CCND3: variants seen among roughly 807,000 people sequenced by gnomAD.
CCND3 encodes cyclin D3.
In CCND3, 9 loss-of-function variants were observed where a neutral mutation model predicts 28.7. That is an observed-to-expected ratio of 0.31 (90% CI 0.19 to 0.55). The LOEUF (loss-of-function observed/expected upper bound fraction) is 0.55, where lower values mean the gene tolerates loss of function less well. Ranked by LOEUF, CCND3 falls within the 20% of genes least tolerant of loss-of-function variation. The pLI, the probability that CCND3 is intolerant of heterozygous loss-of-function variation, is 0.93. For synonymous variants in CCND3, 164 were observed against 163.9 expected (o/e 1.00, Z 0.00); for missense variants, 315 against 385.8 (o/e 0.82, Z 1.54).
intron 1 of CCND3, among the ~76,000 whole-genome samples, chr6:42,030,747 C>A (rs1245590793): frequency 6.6e-6 from 1 of 152,204 alleles, no homozygotes; most frequent in African/African-American, 2.4e-5. Context: ...GAAGAGGCCC[C>A]TTTCCATCTG....
intron 1 of CCND3, among the ~76,000 whole-genome samples, chr6:41,978,490 T>G (rs1012105654): frequency 1.3e-5 from 2 of 151,406 alleles, no homozygotes; most frequent in Non-Finnish European, 2.9e-5. Context: ...GAGCCGAGAG[T>G]GTGCCACTGC....
intron 1 of CCND3, among the ~76,000 whole-genome samples, chr6:41,948,938 G>T (rs1424070669): frequency 6.6e-6 from 1 of 152,082 alleles, no homozygotes; most frequent in Non-Finnish European, 1.5e-5. Context: ...GAGCTGTTGG[G>T]GCCAGACACA....
intron 1 of CCND3, among the ~76,000 whole-genome samples, chr6:42,021,081 C>G (rs981082418): frequency 6.6e-6 from 1 of 152,072 alleles, no homozygotes; most frequent in Non-Finnish European, 1.5e-5. Context: ...TTTTAGTTAC[C>G]CATCGTGCAG....
chr6:41,989,823 G>A (rs1762599940), intron 1 of CCND3, among the ~76,000 whole-genome samples: 1 of 152,060 alleles, frequency 6.6e-6, no homozygotes, highest in South Asian at 2.1e-4. Flanking sequence ...ATACTCCTTG[G>A]TATCTGCCCA....
At chr6:41,999,407 C>T (rs797013974) in intron 1 of CCND3, among the ~76,000 whole-genome samples, 1 of 152,028 alleles carries the variant, frequency 6.6e-6, no homozygotes, top group Admixed American at 6.6e-5. Context: ...CACCACCATG[C>T]CCGGCTAATT....
At chr6:42,006,222 A>G (rs945415468) in intron 1 of CCND3, among the ~76,000 whole-genome samples, 1 of 151,872 alleles carries the variant, frequency 6.6e-6, no homozygotes, top group African/African-American at 2.4e-5. Flanking sequence ...GATGAAAAAC[A>G]AAAACTCACA....
intron 1 of CCND3, among the ~76,000 whole-genome samples, chr6:41,961,967 T>C (rs1761730155): frequency 6.6e-6 from 1 of 152,220 alleles, no homozygotes; most frequent in African/African-American, 2.4e-5. Context: ...CATCAATACT[T>C]CCAAAATGTC....
rs61494473 is a variant in CCND3 at position 42,003,525 on chromosome 6, CAAAAAAAAAAAAAAAA to C, written c.-46+44960_-46+44975del. Among the ~76,000 whole-genome samples, 6 of 73,510 alleles carry C rather than the reference CAAAAAAAAAAAAAAAA, an allele frequency of 8.2e-5. No homozygotes were observed. In the East Asian group the frequency reaches 1.2e-3, roughly 14 times the overall value. The allele number at this position is 73,510 out of a possible 152,430, so 48.2% of individuals were successfully genotyped here. A position where few individuals can be genotyped will look rare whatever the true frequency, so the allele number is the denominator to read the frequency against. On this transcript the variant is annotated intron_variant, in intron 1 of 4. Transcript: ENST00000372988. ...GGGCAACCAGAGTGAGACTCTGTCT[CAAAAAAAAAAAAAAAA>C]AAAAAAAAAAAAAAAAAAAAAGAAC...
intron 1 of CCND3, among the ~76,000 whole-genome samples, chr6:42,026,990 G>T (rs754092636): frequency 3.3e-5 from 5 of 152,168 alleles, no homozygotes. Flanking sequence ...TGTTACAGCA[G>T]CCTAACCTCC....
intron 1 of CCND3, among the ~76,000 whole-genome samples, chr6:41,995,087 A>AAAAT (rs1463507002): frequency 1.3e-5 from 2 of 152,184 alleles, no homozygotes; most frequent in Admixed American, 6.6e-5. Context: ...TAGATAAACA[A>AAAAT]AAATAAATAA....
At chr6:42,003,894 A>G (rs78885414) in intron 1 of CCND3, among the ~76,000 whole-genome samples, 32 of 147,800 alleles carry the variant, frequency 2.2e-4, no homozygotes, top group African/African-American at 8.0e-4. Flanking sequence ...GTAAACCATC[A>G]TGCCACTGCA....
intron 1 of CCND3, among the ~76,000 whole-genome samples, chr6:41,949,218 A>C (rs1280626205): frequency 6.6e-6 from 1 of 152,178 alleles, no homozygotes; most frequent in Non-Finnish European, 1.5e-5. Flanking sequence ...GTGGTGGCTC[A>C]TGCCTGTAAT....
At chr6:41,954,722 T>C (rs920772360) in intron 1 of CCND3, among the ~76,000 whole-genome samples, 3 of 152,064 alleles carry the variant, frequency 2.0e-5, no homozygotes, top group African/African-American at 7.2e-5. Flanking sequence ...CCACATAATA[T>C]CAAACTTCTG....
chr6:41,971,209 C>T lies in CCND3; in HGVS notation c.-45-30624G>A, dbSNP rs866667953. ...TTGGGATTACAGGCATGAGCCATCG[C>T]GCCCAGCCTCCAGTTTCTTTAGAAG... On this transcript the variant is annotated intron_variant, in intron 1 of 4. Transcript: ENST00000372988. Among the ~76,000 whole-genome samples, 3 of 152,298 alleles carry T rather than the reference C, an allele frequency of 2.0e-5. No individual in the cohort carries two copies. In the East Asian group the frequency reaches 5.8e-4, roughly 29 times the overall value.
chr6:41,941,843 T>C (rs1014440869), upstream of CCND3: 14 of 267,950 alleles, frequency 5.2e-5, no homozygotes, highest in Admixed American at 3.3e-4. The surrounding 1 kb of genome is among the most constrained non-coding windows in gnomAD (Gnocchi z 6.1). Flanking sequence ...GTAGCAACCG[T>C]GGAATGCTCG....
chr6:42,012,440 T>TAAAAAC lies in CCND3; in HGVS notation c.-46+36055_-46+36060dup, dbSNP rs2127428377. On this transcript the variant is annotated intron_variant, in intron 1 of 4. Transcript: ENST00000372988. ...CTCAACAATAAAATAAAAATAAAAATAAAAACAAAAAAATTAGCCAGGTGT... is the reference window on the plus strand; with the variant it reads ...CTCAACAATAAAATAAAAATAAAAATAAAAACAAAAACAAAAAAATTAGCCAGGTGT... Among the ~76,000 whole-genome samples, 2 of 144,078 alleles carry TAAAAAC rather than the reference T, an allele frequency of 1.4e-5. 1 individual carries two copies. The highest frequency in any genetic ancestry group is 5.4e-5 in the African/African-American group (2 of 36,716). The allele number at this position is 144,078 out of a possible 152,430, so 94.5% of individuals were successfully genotyped here.
rs1775998165 is a variant in CCND3 at position 41,941,094 on chromosome 6, G to A, written c.198+358C>T. ...CAGGAACCGGCTCCCGGGCGGGGGCGGCCGAGCCCAGGGTTTTCCAGGCGC... is the reference window on the plus strand; with the variant it reads ...CAGGAACCGGCTCCCGGGCGGGGGCAGCCGAGCCCAGGGTTTTCCAGGCGC... On this transcript the variant is annotated intron_variant, in intron 1 of 4. Coordinates refer to ENST00000372991, the MANE Select transcript of CCND3 (RefSeq NM_001760.5). This position sits in a 1 kb window ranked among gnomAD's most constrained non-coding sequence, Gnocchi z 6.1. The A allele has an allele frequency of 6.5e-7, 1 of 1,546,286 alleles. No individual in the cohort carries two copies. Among genetic ancestry groups the A allele is most frequent in the South Asian group, 1.2e-5 (1 of 81,216 alleles).
At chr6:42,046,096 C>A (rs1764534606) in intron 1 of CCND3, among the ~76,000 whole-genome samples, 1 of 152,234 alleles carries the variant, frequency 6.6e-6, no homozygotes, top group Non-Finnish European at 1.5e-5. Context: ...ATGCCCCCAA[C>A]ACACATCCCT....
intron 1 of CCND3, among the ~76,000 whole-genome samples, chr6:41,971,353 G>A (rs927281553): frequency 2.6e-5 from 4 of 151,924 alleles, no homozygotes; most frequent in African/African-American, 9.7e-5. Context: ...GAACTCCTGG[G>A]CTCAAGTGAT....
Sources: gnomAD v4.1 joint callset for allele counts (sites outside exome capture counted in the v4.1 genomes callset) on GRCh38, gnomAD v4.1.1 for gene constraint, Gnocchi (gnomAD v3.1) non-coding constraint, MANE v1.5 for transcripts, NCBI Gene and HGNC (gene_info 2026-07-23, HGNC 2026-07-21) for gene names.